Variants in KIF26A observed in about 807,000 individuals in gnomAD.
KIF26A encodes the protein kinesin family member 26A, also known as kinesin-like protein KIF26A.
KIF26A carries 74 observed loss-of-function variants against 126.0 expected under a neutral mutation model. The observed-to-expected ratio is 0.59, with a 90% CI of 0.49 to 0.71. KIF26A has a LOEUF of 0.71. KIF26A is among the 30% of genes least tolerant of loss of function. The pLI is 0.00. For synonymous variants in KIF26A, 1,445 were observed against 1,232.7 expected, an observed-to-expected ratio of 1.17 and a Z score of -3.61; for missense variants, 2,984 against 2,763.3, an observed-to-expected ratio of 1.08 and a Z score of -1.79.
chr14:104,141,188 G>A (rs1231370423), intron 2 of KIF26A, among the ~76,000 whole-genome samples: 1 of 152,210 alleles, frequency 6.6e-6, no homozygotes, highest in Non-Finnish European at 1.5e-5. Context: ...TGGGTTGGGA[G>A]GGAAATCTCT....
At position 104,177,292 on chromosome 14, in the gene KIF26A, G is replaced by A. The variant is rs2141120368; in HGVS notation, c.4504G>A (p.Gly1502Ser). The A allele has an allele frequency of 6.3e-7, 1 of 1,579,496 alleles. No homozygotes were observed. The highest frequency in any genetic ancestry group is 8.6e-7 in the Non-Finnish European group (1 of 1,166,054). ...KPPVGGGKGR[G>S]LVAGGSRALG... The stretch of plus-strand genomic sequence containing the variant: ...CCCTGTTGGTGGAGGCAAGGGCCGT[G>A]GCCTAGTGGCTGGTGGGTCGCGGGC... Residue 1502 changes from glycine (G) to serine (S), a missense_variant, in exon 12 of 15, where the codon GGC (glycine) becomes AGC (serine). By Grantham distance (56) the Gly-to-Ser change is moderately conservative. Transcript: ENST00000423312.
At chr14:104,138,979 G>A (rs1173543543) in intron 1 of KIF26A, 64 bp from the exon 2 acceptor site, 2 of 1,312,656 alleles carry the variant, frequency 1.5e-6, no homozygotes, top group East Asian at 3.1e-5. Flanking sequence ...GGCAGGGCGC[G>A]CAGGGGTCTG....
At chr14:104,138,990 G>A (rs972904339) in intron 1 of KIF26A, 53 bp from the exon 2 acceptor site, 2 of 1,323,084 alleles carry the variant, frequency 1.5e-6, no homozygotes, top group Non-Finnish European at 1.9e-6. Context: ...CAGGGGTCTG[G>A]ATCCGACGGA....
At position 104,176,315 on chromosome 14, in the gene KIF26A, G is replaced by T; in HGVS notation, c.3527G>T (p.Cys1176Phe). Residue 1176 changes from cysteine (C) to phenylalanine (F), a missense_variant, in exon 12 of 15, where the codon TGC becomes TTC. Coordinates refer to ENST00000423312, the MANE Select transcript of KIF26A (RefSeq NM_015656.2). The stretch of plus-strand genomic sequence containing the variant: ...AGTCCTGGGCCAACCTGGGGTCCGT[G>T]CCCTGGGGAAGTGGCTGCAGTGGCC... ...PDSPGPTWGP[C>F]PGEVAAVAPS... The T allele has an allele frequency of 6.3e-7, 1 of 1,585,600 alleles. No homozygotes were observed. The highest frequency in any genetic ancestry group is 8.6e-7 in the Non-Finnish European group (1 of 1,162,830).
Position 104,174,276 on chromosome 14 carries a change from C to T in KIF26A, c.2159C>T (p.Ala720Val). ...ACACTCAGCACCGTGCAGCTCGCCG[C>T]CCGCATCCACCGCCTGCGCAGGAAG... ...AETLSTVQLA[A>V]RIHRLRRKKA... Residue 720 changes from alanine (A) to valine (V), a missense_variant, in exon 11 of 15, where the codon GCC becomes GTC. Coordinates refer to ENST00000423312, the MANE Select transcript of KIF26A (RefSeq NM_015656.2). 3.8e-6 allele frequency: 6 copies of T among 1,561,722 alleles called. No individual in the cohort carries two copies. The highest frequency in any genetic ancestry group is 5.2e-6 in the Non-Finnish European group (6 of 1,154,180).
At chr14:104,158,921 G>A (rs2037808228) in intron 4 of KIF26A, among the ~76,000 whole-genome samples, 1 of 152,232 alleles carries the variant, frequency 6.6e-6, no homozygotes, top group Non-Finnish European at 1.5e-5. Context: ...CCGCGGGTCA[G>A]TGTCCCATTA....
rs1251644042 is a variant in KIF26A at position 104,157,753 on chromosome 14, A to AGGCCGAGGCAGCGGTGGC, written c.740_757dup. ...TTATACGCACTCTCTCCTTCCCTCC[A>AGGCCGAGGCAGCGGTGGC]GGCCGAGGCAGCGGTGGCGGCCGTG... On this transcript the variant is annotated splice_acceptor_variant, in intron 3 of 14. Coordinates refer to ENST00000423312, the MANE Select transcript of KIF26A (RefSeq NM_015656.2). LOFTEE classifies it high-confidence loss of function. 4 of 1,610,182 alleles carry AGGCCGAGGCAGCGGTGGC rather than the reference A, an allele frequency of 2.5e-6. No individual in the cohort carries two copies. The highest frequency in any genetic ancestry group is 3.4e-6 in the Non-Finnish European group (4 of 1,178,914).
chr14:104,145,523 T>C (rs1458714735), intron 2 of KIF26A, among the ~76,000 whole-genome samples: 2 of 152,212 alleles, frequency 1.3e-5, no homozygotes, highest in African/African-American at 2.4e-5. Context: ...GCGCGCTGCA[T>C]TGGACCTGGG....
intron 4 of KIF26A, among the ~76,000 whole-genome samples, chr14:104,164,680 G>A (rs2037863738): frequency 1.3e-5 from 2 of 151,612 alleles, no homozygotes; most frequent in African/African-American, 4.8e-5. Context: ...CTGTCTGCGT[G>A]TGTATGTGTG....
chr14:104,168,012 T>G (rs964544703), intron 5 of KIF26A, among the ~76,000 whole-genome samples: 1 of 151,650 alleles, frequency 6.6e-6, no homozygotes, highest in African/African-American at 2.4e-5. Context: ...AGAAGGCCCC[T>G]GTCCCTGGGC....
intron 4 of KIF26A, among the ~76,000 whole-genome samples, chr14:104,158,682 C>G (rs1187636907): frequency 1.9e-4 from 29 of 152,198 alleles, no homozygotes; most frequent in Admixed American, 1.9e-3. Flanking sequence ...GGCACCAGGT[C>G]CTTGCCGACT....
chr14:104,178,477 C>A (rs1055975746), intron 12 of KIF26A, 73 bp from the exon 13 acceptor site: 1 of 1,184,380 alleles, frequency 8.4e-7, no homozygotes, highest in South Asian at 1.9e-5. Flanking sequence ...GCCGGCTCCG[C>A]AGCGTCCCCG....
intron 2 of KIF26A, among the ~76,000 whole-genome samples, chr14:104,149,672 C>T (rs2037709295): frequency 6.6e-6 from 1 of 152,204 alleles, no homozygotes; most frequent in South Asian, 2.1e-4. Flanking sequence ...TCTGCCTGGC[C>T]AGCCCGTGGT....
intron 4 of KIF26A, among the ~76,000 whole-genome samples, chr14:104,166,183 G>GGCCACAGGA (rs1555389017): frequency 1.4e-3 from 211 of 146,098 alleles, no homozygotes; most frequent in South Asian, 9.1e-3. Context: ...GGGTGGCAGG[G>GGCCACAGGA]GCCCAGGAGC....
chr14:104,166,099 G>A (rs574902746), intron 4 of KIF26A, among the ~76,000 whole-genome samples: 99 of 152,208 alleles, frequency 6.5e-4, no homozygotes, highest in Admixed American at 3.8e-3. Context: ...GTGGGCTTTG[G>A]GGTGGGGAGG....
rs1045938233 is a variant in KIF26A at position 104,166,114 on chromosome 14, C to T, written c.924-745C>T. 7.9e-5 allele frequency among the ~76,000 whole-genome samples: 12 copies of T among 151,994 alleles called. 1 individual carries two copies. The highest frequency in any genetic ancestry group is 4.1e-4 in the South Asian group (2 of 4,822). ...GTGGGCTTTGGGGTGGGGAGGCGCT[C>T]GCCCTGGCTGAGGGGCAGGGTGGCA... is the stretch of plus-strand genomic sequence containing the variant. On this transcript the variant is annotated intron_variant, in intron 4 of 14. Transcript: ENST00000423312.
At chr14:104,172,763 G>A in intron 7 of KIF26A, 95 bp downstream of exon 7, 2 of 1,153,212 alleles carry the variant, frequency 1.7e-6, no homozygotes, top group Non-Finnish European at 2.5e-6. Context: ...GGGAAAGGAG[G>A]CTGGTCCTAC....
At chr14:104,157,006 G>A (rs1265171540) in intron 3 of KIF26A, among the ~76,000 whole-genome samples, 1 of 152,144 alleles carries the variant, frequency 6.6e-6, no homozygotes, top group Non-Finnish European at 1.5e-5. Flanking sequence ...GGGGCGAGGG[G>A]TGGCCAGGCT....
At chr14:104,166,493 G>A (rs2037904011) in intron 4 of KIF26A, among the ~76,000 whole-genome samples, 1 of 152,156 alleles carries the variant, frequency 6.6e-6, no homozygotes, top group African/African-American at 2.4e-5. Context: ...TCGGGTGGGA[G>A]CAGCTTTCAC....
Sources: allele counts gnomAD v4.1 joint callset (sites outside exome capture counted in the v4.1 genomes callset), GRCh38; gene constraint gnomAD v4.1.1; transcripts MANE v1.5; gene names NCBI Gene and HGNC (gene_info 2026-07-23, HGNC 2026-07-21).